The following KLF7 variants were observed in gnomAD, a reference collection of about 807,000 sequenced individuals.
KLF7 encodes KLF transcription factor 7, also known as Krueppel-like factor 7.
Under a neutral mutation model 27.3 loss-of-function variants are expected in KLF7, and 2 were observed. The observed-to-expected ratio is 0.07, with a 90% CI of 0.03 to 0.23. The LOEUF (loss-of-function observed/expected upper bound fraction) is 0.23, where lower values mean the gene tolerates loss of function less well. Ranked by LOEUF, KLF7 falls within the 10% of genes least tolerant of loss-of-function variation. The pLI, the probability that KLF7 is intolerant of heterozygous loss-of-function variation, is 1.00. For synonymous variants in KLF7, 165 were observed against 162.4 expected, an observed-to-expected ratio of 1.02 and a Z score of -0.12; for missense variants, 221 against 394.1, an observed-to-expected ratio of 0.56 and a Z score of 3.72.
At chr2:207,114,850 T>G (rs1390005317) in intron 2 of KLF7, among the ~76,000 whole-genome samples, 2 of 152,252 alleles carry the variant, frequency 1.3e-5, no homozygotes, top group African/African-American at 4.8e-5. Context: ...TGATAGCTTT[T>G]ATCATTTTTA....
intron 2 of KLF7, among the ~76,000 whole-genome samples, chr2:207,117,196 G>A (rs2077210543): frequency 6.6e-6 from 1 of 152,174 alleles, no homozygotes; most frequent in African/African-American, 2.4e-5. Context: ...TGTGCTTGCT[G>A]TGTATATGCT....
At chr2:207,118,734 T>G (rs1052663052) in intron 2 of KLF7, among the ~76,000 whole-genome samples, 1 of 152,244 alleles carries the variant, frequency 6.6e-6, no homozygotes, top group Non-Finnish European at 1.5e-5. Flanking sequence ...GGTTAATATT[T>G]GTAAAACATT....
chr2:207,078,432 G>C lies in KLF7; in HGVS notation c.*2781C>G, dbSNP rs965951935. 13 of 152,204 alleles carry C rather than the reference G, an allele frequency of 8.5e-5. No homozygotes were observed. Among genetic ancestry groups the C allele is most frequent in the Admixed American group, 2.0e-4 (3 of 15,284 alleles). The allele number at this position is 152,204 out of a possible 1,614,324, so 9.4% of individuals were successfully genotyped here. A position where few individuals can be genotyped will look rare whatever the true frequency, so the allele number is the denominator to read the frequency against. On this transcript the variant is annotated 3_prime_UTR_variant, in exon 4 of 4. Transcript: ENST00000309446. ...TCAAATGAGACCACAGATGAAAATA[G>C]GGAGCAAACAAGCAATGATTACTCT...
intron 2 of KLF7, among the ~76,000 whole-genome samples, chr2:207,102,109 G>A (rs1212684829): frequency 1.4e-5 from 2 of 145,896 alleles, no homozygotes; most frequent in Non-Finnish European, 3.0e-5. Flanking sequence ...AACCACCCGT[G>A]AAAGCTACAT....
intron 2 of KLF7, among the ~76,000 whole-genome samples, chr2:207,113,677 A>T (rs1318341640): frequency 1.3e-5 from 2 of 149,550 alleles, no homozygotes; most frequent in East Asian, 4.0e-4. Context: ...TAGCAGGCCC[A>T]GGCTGGTACC....
At chr2:207,113,496 A>G (rs2077090808) in intron 2 of KLF7, among the ~76,000 whole-genome samples, 2 of 150,842 alleles carry the variant, frequency 1.3e-5, no homozygotes, top group South Asian at 4.2e-4. Context: ...CTCCCCACTG[A>G]CTAAATCCCT....
chr2:207,147,771 G>A (rs143628778), intron 1 of KLF7, among the ~76,000 whole-genome samples: 71 of 152,282 alleles, frequency 4.7e-4, no homozygotes, highest in African/African-American at 1.7e-3. Flanking sequence ...GGGAGAAGCT[G>A]GCGAAGCTCC....
upstream of KLF7, chr2:207,165,986 T>C (rs1051546430): frequency 3.2e-5 from 32 of 993,564 alleles, no homozygotes; most frequent in East Asian, 2.2e-4. Context: ...TTTTGGGAGG[T>C]TGCATTTTTT....
intron 2 of KLF7, among the ~76,000 whole-genome samples, chr2:207,110,485 A>T (rs1267919450): frequency 6.6e-6 from 1 of 152,192 alleles, no homozygotes; most frequent in Non-Finnish European, 1.5e-5. Flanking sequence ...GTGGCTCTTC[A>T]GTGCGTGGTC....
intron 1 of KLF7, among the ~76,000 whole-genome samples, chr2:207,155,511 G>A (rs2078358447): frequency 6.6e-6 from 1 of 152,148 alleles, no homozygotes; most frequent in African/African-American, 2.4e-5. Flanking sequence ...AAAACACCCT[G>A]AGCCCTTCAG....
rs970418871 is a variant in KLF7 at position 207,078,810 on chromosome 2, C to T, written c.*2403G>A. ...GATGCACCACACATTCAAATATAAT[C>T]CCATGGTACGCCCTGATGGACTGGC... On this transcript the variant is annotated 3_prime_UTR_variant, in exon 4 of 4. Transcript: ENST00000309446. 3 of 152,194 alleles carry T rather than the reference C, an allele frequency of 2.0e-5. No individual in the cohort carries two copies. The highest frequency in any genetic ancestry group is 4.8e-5 in the African/African-American group (2 of 41,440). The allele number at this position is 152,194 out of a possible 1,614,324, so 9.4% of individuals were successfully genotyped here.
chr2:207,139,660 T>C (rs952299511), intron 1 of KLF7, among the ~76,000 whole-genome samples: 2 of 152,192 alleles, frequency 1.3e-5, no homozygotes, highest in African/African-American at 4.8e-5. Flanking sequence ...TTTCATAAGC[T>C]TTTCAACTAC....
Position 207,165,940 on chromosome 2 carries a change from A to T in KLF7, c.-372T>A. The T allele has an allele frequency of 1.9e-6, 2 of 1,067,022 alleles. No individual in the cohort carries two copies. Among genetic ancestry groups the T allele is most frequent in the Non-Finnish European group, 2.3e-6 (2 of 879,238 alleles). The allele number at this position is 1,067,022 out of a possible 1,614,324, so 66.1% of individuals were successfully genotyped here. A position where few individuals can be genotyped will look rare whatever the true frequency, so the allele number is the denominator to read the frequency against. ...ACACGAAGCTGCCATCTATTTCTGC[A>T]GCGCTGTTCGCTCCTAATGCAATCT... On this transcript the variant is annotated 5_prime_UTR_variant, in exon 1 of 4. Coordinates refer to ENST00000309446, the MANE Select transcript of KLF7 (RefSeq NM_003709.4).
At chr2:207,166,211 T>G, upstream of KLF7, 1 of 982,400 alleles carries the variant, frequency 1.0e-6, no homozygotes, top group Non-Finnish European at 1.2e-6. Flanking sequence ...AACAGGGGGC[T>G]CATGAAGTCA....
At position 207,124,315 on chromosome 2, in the gene KLF7, A is replaced by G; in HGVS notation, c.192T>C (p.Ala64=). 3 of 1,612,930 alleles carry G rather than the reference A, an allele frequency of 1.9e-6. No homozygotes were observed. Among genetic ancestry groups the G allele is most frequent in the Non-Finnish European group, 2.5e-6 (3 of 1,179,066 alleles). ...TTTCCTCAATGCACGGGGGAGGGGA[A>G]GCGTGGAGGAAACAGTCCAAGTCCT... ...FGEDLDCFLH[A]SPPPCIEESF... Residue 64 remains alanine (A), a synonymous_variant, in exon 2 of 4, where the codon GCT becomes GCC. Transcript: ENST00000309446.
At chr2:207,101,350 T>C in intron 2 of KLF7, among the ~76,000 whole-genome samples, 1 of 152,208 alleles carries the variant, frequency 6.6e-6, no homozygotes, top group East Asian at 1.9e-4. Flanking sequence ...CTCAATATGT[T>C]TGATAGATGT....
At position 207,120,708 on chromosome 2, in the gene KLF7, C is replaced by A. The variant is rs1027448566; in HGVS notation, c.733+3066G>T. Among the ~76,000 whole-genome samples the A allele has an allele frequency of 5.8e-4, 89 of 152,338 alleles. No homozygotes were observed. In the Middle Eastern group the frequency reaches 0.01, roughly 17 times the overall value. On this transcript the variant is annotated intron_variant, in intron 2 of 3. Coordinates refer to ENST00000309446, the MANE Select transcript of KLF7 (RefSeq NM_003709.4). ...CACATTTGGTCAGCAGCTCTCCCAA[C>A]TCCAGTCCTTGTATCAGCAGCCTCT...
intron 2 of KLF7, among the ~76,000 whole-genome samples, chr2:207,101,173 T>TA (rs1284638650): frequency 6.6e-6 from 1 of 152,204 alleles, no homozygotes; most frequent in Non-Finnish European, 1.5e-5. Context: ...ATGAAAGAAA[T>TA]AGTCTCTTCA....
intron 1 of KLF7, among the ~76,000 whole-genome samples, chr2:207,144,606 T>TGG (rs1414938935): frequency 6.6e-6 from 1 of 152,144 alleles, no homozygotes; most frequent in South Asian, 2.1e-4. Flanking sequence ...GAACACAGGG[T>TGG]GGCTCAGTCT....
Sources: gnomAD v4.1 joint callset for allele counts (sites outside exome capture counted in the v4.1 genomes callset) on GRCh38, gnomAD v4.1.1 for gene constraint, MANE v1.5 for transcripts, NCBI Gene and HGNC (gene_info 2026-07-23, HGNC 2026-07-21) for gene names.